TIAM1: variants seen among roughly 807,000 people sequenced by gnomAD.
The protein encoded by TIAM1 is TIAM Rac1 associated GEF 1, also known as rho guanine nucleotide exchange factor TIAM1.
TIAM1 carries 65 observed loss-of-function variants against 163.5 expected under a neutral mutation model. That is an observed-to-expected ratio of 0.40 (90% CI 0.33 to 0.49). The LOEUF (loss-of-function observed/expected upper bound fraction) is 0.49. Ranked by LOEUF, TIAM1 falls within the 20% of genes least tolerant of loss-of-function variation. The pLI is 0.77. For missense variants in TIAM1, 1,789 were observed against 2,044.7 expected (o/e 0.87, Z 2.41); for synonymous variants, 833 against 810.1 (o/e 1.03, Z -0.48).
At chr21:31,334,008 A>G (rs1178807083) in intron 2 of TIAM1, among the ~76,000 whole-genome samples, 1 of 152,218 alleles carries the variant, frequency 6.6e-6, no homozygotes, top group East Asian at 1.9e-4. Flanking sequence ...CAAATACATT[A>G]GAAAGATAAA....
chr21:31,240,035 A>T (rs929120963), intron 6 of TIAM1, among the ~76,000 whole-genome samples: 1 of 152,182 alleles, frequency 6.6e-6, no homozygotes, highest in Non-Finnish European at 1.5e-5. Flanking sequence ...AAGAGTGCTC[A>T]CAACAACATT....
chr21:31,220,830 G>A (rs2087516295), intron 8 of TIAM1, among the ~76,000 whole-genome samples: 1 of 152,158 alleles, frequency 6.6e-6, no homozygotes, highest in Non-Finnish European at 1.5e-5. Context: ...TCCCTTTGTG[G>A]CCTGAACCTG....
chr21:31,280,974 G>A (rs1294425847), intron 2 of TIAM1, among the ~76,000 whole-genome samples: 1 of 151,456 alleles, frequency 6.6e-6, no homozygotes, highest in Non-Finnish European at 1.5e-5. Context: ...AAAATTAGCT[G>A]GGTGTGGTGG....
rs756020040 is a variant in TIAM1, at chr21:31,245,613, G to A, written c.1459C>T (p.His487Tyr). The change falls in exon 6 of 28, where the codon CAC becomes TAC. Residue 487 changes from histidine (H) to tyrosine (Y), a missense_variant. This residue lies in a region of TIAM1 where 456 missense variants were observed against 586.6 expected (regional missense o/e 0.78). Coordinates refer to ENST00000541036, the MANE Select transcript of TIAM1 (RefSeq NM_001353694.2). ...ACGGCGTGTTTGGGGATGCTGTTGT[G>A]GTCTATCCCAGACCTGCCGTCGCTC... ...YESDGRSGID[H>Y]NSIPKHAVWV... 4 of 1,604,134 alleles carry A rather than the reference G, an allele frequency of 2.5e-6. No homozygotes were observed. Among genetic ancestry groups the A allele is most frequent in the East Asian group, 2.3e-5 (1 of 44,134 alleles).
chr21:31,417,736 C>T (rs2043422508), intron 2 of TIAM1, among the ~76,000 whole-genome samples: 1 of 152,166 alleles, frequency 6.6e-6, no homozygotes, highest in Admixed American at 6.5e-5. Context: ...TCTACCTGTG[C>T]AGTCAGGGAC....
intron 8 of TIAM1, among the ~76,000 whole-genome samples, chr21:31,222,697 AT>A (rs2087647360): frequency 2.7e-5 from 1 of 36,508 alleles, no homozygotes; most frequent in Non-Finnish European, 4.7e-5. Context: ...ATATATATAT[AT>A]ATATATATAT....
chr21:31,124,780 T>A, intron 26 of TIAM1, 86 bp from the exon 27 acceptor site: 1 of 1,200,388 alleles, frequency 8.3e-7, no homozygotes, highest in Non-Finnish European at 1.1e-6. Flanking sequence ...ACCAAATAAA[T>A]ATCCCTTAGG....
At chr21:31,346,004 A>G (rs946814260), upstream of TIAM1, among the ~76,000 whole-genome samples, 1 of 152,060 alleles carries the variant, frequency 6.6e-6, no homozygotes, top group Non-Finnish European at 1.5e-5. Context: ...GGATACAGCA[A>G]TGGTCCTTAG....
chr21:31,515,536 T>C (rs928698081), intron 1 of TIAM1, among the ~76,000 whole-genome samples: 1 of 152,086 alleles, frequency 6.6e-6, no homozygotes, highest in African/African-American at 2.4e-5. Context: ...TCCCTCAGAG[T>C]CTGGCACAAG....
At chr21:31,426,722 G>A (rs2043808333) in intron 2 of TIAM1, among the ~76,000 whole-genome samples, 1 of 151,968 alleles carries the variant, frequency 6.6e-6, no homozygotes, top group African/African-American at 2.4e-5. Flanking sequence ...CATGAAGTCT[G>A]GGGTTTCATG....
In TIAM1 at chr21:31,344,208, T is replaced by C. The variant is rs1042040348; in HGVS notation, c.-439A>G. On this transcript the variant is annotated 5_prime_UTR_variant, in exon 1 of 28. Coordinates refer to ENST00000541036, the MANE Select transcript of TIAM1 (RefSeq NM_001353694.2). ...TGTCCCAAACTTCCAGTAACAGAAA[T>C]GAGGAAGCAGCAGCCTTCCCCGGCT... The C allele has an allele frequency of 8.5e-5, 13 of 152,304 alleles. No homozygotes were observed. The highest frequency in any genetic ancestry group is 3.1e-4 in the African/African-American group (13 of 41,542). 9.4% of individuals were successfully genotyped at this position (152,304 alleles called of 1,614,324 possible). A position where few individuals can be genotyped will look rare whatever the true frequency, so the allele number is the denominator to read the frequency against.
At chr21:31,201,803 AG>A (rs1222105048) in intron 12 of TIAM1, among the ~76,000 whole-genome samples, 1 of 152,196 alleles carries the variant, frequency 6.6e-6, no homozygotes, top group Non-Finnish European at 1.5e-5. Flanking sequence ...GAGAGAGCAC[AG>A]GAACTCCAAA....
rs974741199 is a variant in TIAM1 at position 31,513,121 on chromosome 21, T to C, written c.-422+45806A>G. Among the ~76,000 whole-genome samples, 106 of 152,356 alleles carry C rather than the reference T, an allele frequency of 7.0e-4. 1 individual carries two copies. The highest frequency in any genetic ancestry group is 2.9e-4 in the Non-Finnish European group (20 of 68,040). ...ACATAATTCTTAACTTCTAAAGCAA[T>C]GCTATTTATTTTGTTTAATAAACAT... On this transcript the variant is annotated intron_variant, in intron 1 of 28. Coordinates refer to the TIAM1 transcript ENST00000286827.
rs570503806 is a variant in TIAM1, at chr21:31,487,730, T to C, written c.-421-23695A>G. Among the ~76,000 whole-genome samples, 10 of 150,860 alleles carry C rather than the reference T, an allele frequency of 6.6e-5. No homozygotes were observed. In the East Asian group the frequency reaches 1.8e-3, roughly 27 times the overall value. On this transcript the variant is annotated intron_variant, in intron 1 of 28. Coordinates refer to the TIAM1 transcript ENST00000286827. ...CCGCCACCGCGCCCGGCTAATTTTT[T>C]GTATTTTTAGTAGAGACGGGGTTTC...
intron 1 of TIAM1, among the ~76,000 whole-genome samples, chr21:31,512,719 G>A (rs892369647): frequency 6.7e-6 from 1 of 149,440 alleles, no homozygotes; most frequent in Non-Finnish European, 1.5e-5. Flanking sequence ...CCAGGCTCAA[G>A]CAATCCTCCC....
intron 4 of TIAM1, among the ~76,000 whole-genome samples, chr21:31,264,566 TAAG>T (rs971101825): frequency 4.6e-5 from 7 of 152,200 alleles, no homozygotes; most frequent in African/African-American, 1.7e-4. Flanking sequence ...GTCACTCAGG[TAAG>T]AAGACGTGGA....
At chr21:31,474,187 C>T (rs9305460) in intron 1 of TIAM1, among the ~76,000 whole-genome samples, 34,984 of 152,122 alleles carry the variant, frequency 0.23, 4,231 homozygotes, top group African/African-American at 0.26. Context: ...CCCCCATGAC[C>T]CAAACACCTC....
At position 31,522,304 on chromosome 21, in the gene TIAM1, C is replaced by T. The variant is rs1035294165; in HGVS notation, c.-422+36623G>A. Among the ~76,000 whole-genome samples, 22 of 151,476 alleles carry T rather than the reference C, an allele frequency of 1.5e-4. 2 individuals are homozygous for T. The highest frequency in any genetic ancestry group is 4.8e-4 in the African/African-American group (20 of 41,452). On this transcript the variant is annotated intron_variant, in intron 1 of 28. Coordinates refer to the TIAM1 transcript ENST00000286827. The stretch of plus-strand genomic sequence containing the variant: ...GGCGGATCACCTGAGGTCAAAAGTT[C>T]GAGACCAGTCTGACCAACATAGAGA...
intron 2 of TIAM1, among the ~76,000 whole-genome samples, chr21:31,455,052 G>A (rs1476477109): frequency 6.6e-6 from 1 of 152,042 alleles, no homozygotes; most frequent in Non-Finnish European, 1.5e-5. Context: ...AGGCTGAGAG[G>A]GGTAGATCAC....
Sources: allele counts gnomAD v4.1 joint callset (sites outside exome capture counted in the v4.1 genomes callset), GRCh38; gene constraint gnomAD v4.1.1; regional missense constraint gnomAD v4.1.1; transcripts MANE v1.5; gene names NCBI Gene and HGNC (gene_info 2026-07-23, HGNC 2026-07-21).